Variants in SLC4A7 observed in about 807,000 individuals in gnomAD.
SLC4A7 encodes the protein sodium bicarbonate cotransporter 3.
In SLC4A7, 51 loss-of-function variants were observed where a neutral mutation model predicts 137.6. The observed-to-expected ratio is 0.37, with a 90% confidence interval of 0.30 to 0.47. The LOEUF (loss-of-function observed/expected upper bound fraction) is 0.47. Among genes scored for constraint, SLC4A7 ranks in the 20% least tolerant of loss-of-function variants. SLC4A7 has a pLI of 1.00. For synonymous variants in SLC4A7, 542 were observed against 518.6 expected, an observed-to-expected ratio of 1.05 and a Z score of -0.61; for missense variants, 1,247 against 1,525.4, an observed-to-expected ratio of 0.82 and a Z score of 3.04.
chr3:27,394,592 G>A lies in SLC4A7; in HGVS notation c.3043C>T (p.Arg1015Cys), dbSNP rs375605357. 45 of 1,613,928 alleles carry A rather than the reference G, an allele frequency of 2.8e-5. No homozygotes were observed. The highest frequency in any genetic ancestry group is 6.7e-5 in the African/African-American group (5 of 74,918). ...PGEQPKFLGIREQRVTGLMIF... is the reference protein window; with the variant it reads ...PGEQPKFLGICEQRVTGLMIF... ...ATTAGCCCTGTAACCCGCTGTTCAC[G>A]AATTCCCAAAAACTTGGGTTGTTCC... is the stretch of plus-strand genomic sequence containing the variant. The change falls in exon 20 of 26, where the codon CGT becomes TGT. Residue 1015 changes from arginine to cysteine, a missense_variant. Arg to Cys is a radical substitution (Grantham distance 180, BLOSUM62 -3). Transcript: ENST00000454389.
At chr3:27,458,546 A>C (rs1357373201) in intron 1 of SLC4A7, among the ~76,000 whole-genome samples, 1 of 152,234 alleles carries the variant, frequency 6.6e-6, no homozygotes, top group Non-Finnish European at 1.5e-5. Flanking sequence ...ACATATTTGA[A>C]ATCTTCACCC....
chr3:27,442,601 G>C (rs1193062047), intron 3 of SLC4A7, among the ~76,000 whole-genome samples: 1 of 152,072 alleles, frequency 6.6e-6, no homozygotes, highest in Middle Eastern at 3.2e-3. Context: ...GTAGAGACTA[G>C]GGTTTCACTA....
intron 7 of SLC4A7, among the ~76,000 whole-genome samples, chr3:27,427,860 C>A (rs933295563): frequency 6.6e-6 from 1 of 152,174 alleles, no homozygotes; most frequent in African/African-American, 2.4e-5. Flanking sequence ...AATCTCATCA[C>A]AAAAACTCAT....
intron 19 of SLC4A7, 66 bp downstream of exon 19, chr3:27,394,888 A>C: frequency 1.3e-6 from 2 of 1,537,384 alleles, no homozygotes; most frequent in Non-Finnish European, 1.8e-6. Context: ...TTAATGTTCT[A>C]ATCATTACAA....
At chr3:27,471,574 G>A (rs149237194) in intron 1 of SLC4A7, among the ~76,000 whole-genome samples, 52 of 152,248 alleles carry the variant, frequency 3.4e-4, no homozygotes, top group Middle Eastern at 3.4e-3. Flanking sequence ...GTTCCTCCAC[G>A]TTGGTCAGAC....
intron 1 of SLC4A7, among the ~76,000 whole-genome samples, chr3:27,458,415 C>A (rs1425257390): frequency 6.6e-6 from 1 of 152,146 alleles, no homozygotes; most frequent in Non-Finnish European, 1.5e-5. Flanking sequence ...CATAGGGAGA[C>A]TGACTGTACG....
intron 1 of SLC4A7, among the ~76,000 whole-genome samples, chr3:27,454,929 C>T (rs1179757580): frequency 6.6e-6 from 1 of 151,728 alleles, no homozygotes; most frequent in Non-Finnish European, 1.5e-5. Flanking sequence ...ATTTACTATA[C>T]TTATTTAAAA....
chr3:27,480,172 TAC>T (rs997566469), intron 1 of SLC4A7, among the ~76,000 whole-genome samples: 18 of 152,230 alleles, frequency 1.2e-4, no homozygotes, highest in African/African-American at 4.3e-4. Context: ...AAAACCTGTG[TAC>T]TTCCCAGTCT....
chr3:27,433,875 TA>T (rs1423550208), intron 6 of SLC4A7, 40 bp downstream of exon 6: 27 of 1,553,492 alleles, frequency 1.7e-5, no homozygotes, highest in Non-Finnish European at 2.4e-5. Flanking sequence ...GCTGTTACAG[TA>T]GAAGTGTTAG....
At chr3:27,457,335 C>T (rs766022620) in intron 1 of SLC4A7, among the ~76,000 whole-genome samples, 2 of 152,024 alleles carry the variant, frequency 1.3e-5, no homozygotes, top group Non-Finnish European at 2.9e-5. Flanking sequence ...AGAGGAATAC[C>T]TCTGTTTTAC....
intron 10 of SLC4A7, among the ~76,000 whole-genome samples, chr3:27,419,476 G>A (rs896899710): frequency 1.3e-5 from 2 of 151,642 alleles, no homozygotes; most frequent in African/African-American, 4.8e-5. Flanking sequence ...GCTGAGGCAG[G>A]AGAACTGTGC....
intron 1 of SLC4A7, among the ~76,000 whole-genome samples, chr3:27,478,540 A>G (rs1005093998): frequency 2.0e-5 from 3 of 151,402 alleles, no homozygotes; most frequent in African/African-American, 4.9e-5. Context: ...ACCCAACAAC[A>G]TTAAAGCATC....
intron 15 of SLC4A7, among the ~76,000 whole-genome samples, chr3:27,402,503 C>T (rs1034969987): frequency 6.6e-6 from 1 of 152,040 alleles, no homozygotes. Context: ...AGTTTGAGAC[C>T]AGCCTGGCCA....
intron 1 of SLC4A7, among the ~76,000 whole-genome samples, chr3:27,453,581 C>A (rs2150566419): frequency 6.6e-6 from 1 of 152,304 alleles, no homozygotes; most frequent in Non-Finnish European, 1.5e-5. Flanking sequence ...CCATTGCACT[C>A]CAGCCTGGGC....
chr3:27,440,530 C>T (rs1225879477), intron 3 of SLC4A7, among the ~76,000 whole-genome samples: 1 of 151,686 alleles, frequency 6.6e-6, no homozygotes, highest in Middle Eastern at 3.4e-3. Flanking sequence ...GAGTTCGAGA[C>T]CAGCCTGGCC....
intron 8 of SLC4A7, 40 bp from the exon 9 acceptor site, chr3:27,421,819 T>A: frequency 6.6e-7 from 1 of 1,512,412 alleles, no homozygotes; most frequent in Non-Finnish European, 9.1e-7. Context: ...GTTTCCGTGG[T>A]ATTTGTAAGA....
rs771113273 is a variant in SLC4A7, at chr3:27,376,751, T to C, written c.*13A>G. The C allele has an allele frequency of 2.8e-5, 43 of 1,540,026 alleles. No individual in the cohort carries two copies. The highest frequency in any genetic ancestry group is 3.6e-6 in the Non-Finnish European group (4 of 1,117,750). Reference sequence around the variant, plus strand: ...TGTATATATCTATATGTATAATGCCTCTTGGTTCAATTCTATAATGAAGTT... The same window carrying C: ...TGTATATATCTATATGTATAATGCCCCTTGGTTCAATTCTATAATGAAGTT... On this transcript the variant is annotated 3_prime_UTR_variant, in exon 26 of 26. Coordinates refer to ENST00000454389, the MANE Select transcript of SLC4A7 (RefSeq NM_001321103.2).
chr3:27,397,891 ACGT>A, intron 17 of SLC4A7, 94 bp from the exon 18 acceptor site: 5 of 724,428 alleles, frequency 6.9e-6, no homozygotes, highest in Admixed American at 3.0e-5. Context: ...TGTCACTACA[ACGT>A]ACAAATGGAG....
At chr3:27,397,568 C>A in intron 18 of SLC4A7, 116 bp downstream of exon 18, 1 of 638,778 alleles carries the variant, frequency 1.6e-6, no homozygotes, top group Non-Finnish European at 2.8e-6. Flanking sequence ...TTCAAAGCAT[C>A]AGCCCTTCAA....
Sources: gnomAD v4.1 joint callset for allele counts (sites outside exome capture counted in the v4.1 genomes callset) on GRCh38, gnomAD v4.1.1 for gene constraint, MANE v1.5 for transcripts, NCBI Gene and HGNC (gene_info 2026-07-23, HGNC 2026-07-21) for gene names.